USP30: variants seen among roughly 807,000 people sequenced by gnomAD.
USP30 encodes ubiquitin specific peptidase 30.
In USP30, 41 loss-of-function variants were observed where a neutral mutation model predicts 68.2. That is an observed-to-expected ratio of 0.60 (90% confidence interval 0.47 to 0.78). USP30 has a LOEUF of 0.78. Among genes scored for constraint, USP30 ranks in the 30% least tolerant of loss-of-function variants. The probability of loss-of-function intolerance (pLI) is 0.00; values close to 1 mark genes in which losing one functional copy is unlikely to be tolerated. For missense variants in USP30, 522 were observed against 649.4 expected (o/e 0.80, Z 2.13); for synonymous variants, 229 against 253.7 (o/e 0.90, Z 0.93).
At chr12:109,076,732 C>CTTTTTTT (rs71079520) in intron 7 of USP30, among the ~76,000 whole-genome samples, 4 of 124,740 alleles carry the variant, frequency 3.2e-5, no homozygotes, top group South Asian at 2.4e-4. Context: ...TTGATTTTTT[C>CTTTTTTT]TTTTTTTTTT....
At chr12:109,064,287 C>T (rs1241293538) in intron 3 of USP30, among the ~76,000 whole-genome samples, 1 of 152,084 alleles carries the variant, frequency 6.6e-6, no homozygotes, top group Non-Finnish European at 1.5e-5. Flanking sequence ...TTCTTTGGGA[C>T]AGAGTCTTGT....
At chr12:109,041,298 A>T (rs1593224273) in intron 3 of USP30, among the ~76,000 whole-genome samples, 4 of 152,180 alleles carry the variant, frequency 2.6e-5, no homozygotes, top group African/African-American at 2.4e-5. Context: ...TGCACAATTA[A>T]TCACATCCAA....
intron 3 of USP30, among the ~76,000 whole-genome samples, chr12:109,064,842 G>A (rs1341954839): frequency 2.6e-5 from 4 of 151,620 alleles, no homozygotes; most frequent in Non-Finnish European, 5.9e-5. Context: ...GGTTAAAGGA[G>A]GCATTAAAAT....
intron 6 of USP30, 68 bp from the exon 7 acceptor site, chr12:109,073,370 G>T: frequency 9.2e-7 from 1 of 1,087,504 alleles, no homozygotes; most frequent in Non-Finnish European, 1.4e-6. Flanking sequence ...TGCTAGAAAG[G>T]AAGATGAATG....
chr12:109,064,092 T>C (rs993362979), intron 3 of USP30, among the ~76,000 whole-genome samples: 11 of 152,118 alleles, frequency 7.2e-5, no homozygotes, highest in African/African-American at 9.7e-5. Flanking sequence ...CAGGATGGTC[T>C]CGATCTCTTG....
chr12:109,045,490 A>C (rs1429306006), intron 3 of USP30, among the ~76,000 whole-genome samples: 1 of 152,188 alleles, frequency 6.6e-6, no homozygotes, highest in African/African-American at 2.4e-5. Context: ...GGTCGGAGGC[A>C]GAATTGTCCA....
At chr12:109,080,216 C>G (rs541070839) in intron 7 of USP30, among the ~76,000 whole-genome samples, 4 of 152,176 alleles carry the variant, frequency 2.6e-5, no homozygotes, top group Admixed American at 6.5e-5. Context: ...CTGGCATTTC[C>G]CCTGGTCTCT....
chr12:109,076,381 G>C (rs1362996808), intron 7 of USP30, among the ~76,000 whole-genome samples: 1 of 146,444 alleles, frequency 6.8e-6, no homozygotes, highest in Non-Finnish European at 1.5e-5. Flanking sequence ...AATAGTTTTA[G>C]TTCTTCCTTT....
At chr12:109,027,316 C>A (rs1200992323) in intron 2 of USP30, 4 of 152,174 alleles carry the variant, frequency 2.6e-5, no homozygotes, top group African/African-American at 4.8e-5. Flanking sequence ...TCTCACTCTG[C>A]TGTCCAGGTT....
intron 3 of USP30, among the ~76,000 whole-genome samples, chr12:109,041,599 C>A (rs954470052): frequency 5.3e-5 from 8 of 150,972 alleles, no homozygotes; most frequent in African/African-American, 1.7e-4. Context: ...AGTGCCACTG[C>A]ACTCCAGCCT....
chr12:109,056,867 G>T (rs1282573636), intron 2 of USP30, 76 bp downstream of exon 2: 4 of 1,052,384 alleles, frequency 3.8e-6, no homozygotes. Context: ...TACAAAGAAG[G>T]TGGGGAGGTT....
rs1471490088 is a variant in USP30, at chr12:109,085,974, C to T, written c.*43C>T. ...GCTAGAGCTGATGGCACTGTCTGCA[C>T]TGTCCAGGAAAAAAGTAAAACTGTA... On this transcript the variant is annotated 3_prime_UTR_variant, in exon 13 of 13. Coordinates refer to ENST00000257548, the MANE Select transcript of USP30 (RefSeq NM_032663.5). 6.3e-7 allele frequency: 1 copy of T among 1,588,266 alleles called. No individual in the cohort carries two copies. Among genetic ancestry groups the T allele is most frequent in the Admixed American group, 1.8e-5 (1 of 56,762 alleles).
intron 3 of USP30, among the ~76,000 whole-genome samples, chr12:109,043,212 C>T (rs2040576710): frequency 6.6e-6 from 1 of 152,132 alleles, no homozygotes; most frequent in Non-Finnish European, 1.5e-5. Flanking sequence ...GTCAAAATCC[C>T]GTTTACTTTT....
intron 3 of USP30, among the ~76,000 whole-genome samples, chr12:109,042,410 A>G (rs1379396409): frequency 6.6e-6 from 1 of 152,180 alleles, no homozygotes. Context: ...CCCTACAATT[A>G]TAAATGCCTA....
At chr12:109,032,001 C>T (rs935885461) in intron 3 of USP30, among the ~76,000 whole-genome samples, 2 of 151,174 alleles carry the variant, frequency 1.3e-5, no homozygotes, top group African/African-American at 4.9e-5. Context: ...ACTTGGGAGA[C>T]TAAGGTAGGA....
chr12:109,031,202 C>T (rs748757218), intron 3 of USP30, among the ~76,000 whole-genome samples: 22 of 152,126 alleles, frequency 1.4e-4, no homozygotes, highest in Non-Finnish European at 2.1e-4. Context: ...TGTGACTACA[C>T]GCATTGGAAA....
intron 1 of USP30, among the ~76,000 whole-genome samples, chr12:109,054,976 C>G (rs2040797117): frequency 6.6e-6 from 1 of 152,026 alleles, no homozygotes; most frequent in Admixed American, 6.6e-5. Flanking sequence ...GAAATCAAAA[C>G]AATATTCACA....
In USP30 at chr12:109,081,373, A is replaced by T; in HGVS notation, c.760A>T (p.Ser254Cys). 1 of 1,614,158 alleles carries T rather than the reference A, an allele frequency of 6.2e-7. No individual in the cohort carries two copies. The highest frequency in any genetic ancestry group is 8.5e-7 in the Non-Finnish European group (1 of 1,180,026). The change falls in exon 8 of 13, where the codon AGT becomes TGT. Residue 254 changes from serine to cysteine, a missense_variant. Coordinates refer to ENST00000257548, the MANE Select transcript of USP30 (RefSeq NM_032663.5). ...RFDTFDSLSL[S>C]IPAATWGHPL... ...TGATACCTTTGATAGCCTTTCACTAAGTATTCCAGCCGCCACATGGGTATG... is the reference window on the plus strand; with the variant it reads ...TGATACCTTTGATAGCCTTTCACTATGTATTCCAGCCGCCACATGGGTATG...
At chr12:109,077,813 G>T (rs1208738742) in intron 7 of USP30, among the ~76,000 whole-genome samples, 1 of 150,050 alleles carries the variant, frequency 6.7e-6, no homozygotes, top group East Asian at 1.9e-4. Context: ...CTTTACTCTT[G>T]TGTGTTTGTG....
Sources: gnomAD v4.1 joint callset for allele counts (sites outside exome capture counted in the v4.1 genomes callset) on GRCh38, gnomAD v4.1.1 for gene constraint, MANE v1.5 for transcripts, NCBI Gene and HGNC (gene_info 2026-07-23, HGNC 2026-07-21) for gene names.